Variants in KCTD8 observed in about 807,000 individuals in gnomAD.
KCTD8 encodes BTB/POZ domain-containing protein KCTD8.
A neutral mutation model predicts 31.5 loss-of-function variants in KCTD8; 27 were observed. That is an observed-to-expected ratio of 0.86 (90% CI 0.63 to 1.18). The LOEUF (loss-of-function observed/expected upper bound fraction) is 1.18, where lower values mean the gene tolerates loss of function less well. Ranked by LOEUF, KCTD8 falls within the 50% of genes most tolerant of loss-of-function variation. The pLI, the probability that KCTD8 is intolerant of heterozygous loss-of-function variation, is 0.00. For missense variants in KCTD8, 658 were observed against 647.7 expected (o/e 1.02, Z -0.17); for synonymous variants, 290 against 280.0 (o/e 1.04, Z -0.36).
chr4:44,212,688 T>A (rs1714525457), intron 1 of KCTD8, among the ~76,000 whole-genome samples: 1 of 152,202 alleles, frequency 6.6e-6, no homozygotes, highest in South Asian at 2.1e-4. Context: ...GTACTTCTTT[T>A]TCCATTCTTT....
At chr4:44,294,076 T>C (rs529083282) in intron 1 of KCTD8, among the ~76,000 whole-genome samples, 1 of 152,272 alleles carries the variant, frequency 6.6e-6, no homozygotes, top group Non-Finnish European at 1.5e-5. Context: ...TTTAACGAAA[T>C]TGACAATAAC....
intron 1 of KCTD8, among the ~76,000 whole-genome samples, chr4:44,189,075 T>C (rs931166544): frequency 7.2e-5 from 11 of 152,214 alleles, no homozygotes; most frequent in African/African-American, 2.7e-4. Flanking sequence ...AATAACTGGA[T>C]GATATTGGAT....
intron 1 of KCTD8, among the ~76,000 whole-genome samples, chr4:44,208,030 G>A (rs1414119939): frequency 6.6e-6 from 1 of 152,148 alleles, no homozygotes; most frequent in Non-Finnish European, 1.5e-5. Flanking sequence ...GAGCTCAAGA[G>A]AGAAGTGCTG....
rs926678608 is a variant in KCTD8 at position 44,386,864 on chromosome 4, T to A, written c.961+60699A>T. On this transcript the variant is annotated intron_variant, in intron 1 of 1. Coordinates refer to ENST00000360029, the MANE Select transcript of KCTD8 (RefSeq NM_198353.3). Reference sequence around the variant, plus strand: ...AGCAACCTAAATGTTCATCAACAGATGAATGAAACAAGTAAATGTGAGGCA... The same window carrying A: ...AGCAACCTAAATGTTCATCAACAGAAGAATGAAACAAGTAAATGTGAGGCA... 5.9e-5 allele frequency among the ~76,000 whole-genome samples: 9 copies of A among 151,452 alleles called. 1 individual carries two copies. The East Asian group carries it at 1.4e-3, about 23-fold the overall frequency.
chr4:44,260,721 AAGG>A lies in KCTD8; in HGVS notation c.962-85474_962-85472del, dbSNP rs371536587. Among the ~76,000 whole-genome samples, 101 of 152,094 alleles carry A rather than the reference AAGG, an allele frequency of 6.6e-4. 1 individual carries two copies. In the East Asian group the frequency reaches 8.0e-3, roughly 12 times the overall value. ...TCAAGGTGGCTGGAGTTAAGTCAAT[AAGG>A]AGAAGAGTAATGGAAAACAATTCAT... is the stretch of plus-strand genomic sequence containing the variant. On this transcript the variant is annotated intron_variant, in intron 1 of 1. Transcript: ENST00000360029.
intron 1 of KCTD8, among the ~76,000 whole-genome samples, chr4:44,207,005 A>G (rs1714335241): frequency 6.6e-6 from 1 of 152,210 alleles, no homozygotes; most frequent in African/African-American, 2.4e-5. Flanking sequence ...AAGTTGTGAG[A>G]TAGTATATTT....
At chr4:44,386,918 GAAAC>G (rs534681037) in intron 1 of KCTD8, among the ~76,000 whole-genome samples, 136 of 151,852 alleles carry the variant, frequency 9.0e-4, no homozygotes, top group African/African-American at 3.3e-3. Context: ...CATTCAAACA[GAAAC>G]AGAGGAAGTC....
chr4:44,220,883 G>A (rs1714789433), intron 1 of KCTD8, among the ~76,000 whole-genome samples: 1 of 152,134 alleles, frequency 6.6e-6, no homozygotes, highest in Non-Finnish European at 1.5e-5. Context: ...ATAATTCTCA[G>A]CCTAAATCAT....
At chr4:44,299,482 G>A (rs1386628154) in intron 1 of KCTD8, among the ~76,000 whole-genome samples, 1 of 152,142 alleles carries the variant, frequency 6.6e-6, no homozygotes, top group African/African-American at 2.4e-5. Flanking sequence ...TGTAATCCCA[G>A]CACTTTGGGA....
intron 1 of KCTD8, among the ~76,000 whole-genome samples, chr4:44,377,829 A>G (rs1336584689): frequency 6.6e-6 from 1 of 152,156 alleles, no homozygotes; most frequent in Non-Finnish European, 1.5e-5. Context: ...TGCTTGTGCT[A>G]TATTACGTCT....
chr4:44,381,176 T>C (rs894203176), intron 1 of KCTD8, among the ~76,000 whole-genome samples: 3 of 152,050 alleles, frequency 2.0e-5, no homozygotes, highest in African/African-American at 7.2e-5. Context: ...TATACTAATG[T>C]ATACTTCAAT....
At chr4:44,300,822 C>T (rs992076147) in intron 1 of KCTD8, among the ~76,000 whole-genome samples, 2 of 151,264 alleles carry the variant, frequency 1.3e-5, no homozygotes, top group Non-Finnish European at 2.9e-5. Flanking sequence ...CCCATTAACT[C>T]GTCATTTAGC....
intron 1 of KCTD8, among the ~76,000 whole-genome samples, chr4:44,299,728 A>G (rs889742730): frequency 4.4e-4 from 66 of 149,336 alleles, no homozygotes; most frequent in Admixed American, 1.0e-3. Flanking sequence ...CTCCGTCTCA[A>G]AAAAAAAAAA....
intron 1 of KCTD8, among the ~76,000 whole-genome samples, chr4:44,319,900 A>T (rs901859935): frequency 3.3e-5 from 5 of 152,050 alleles, no homozygotes; most frequent in Admixed American, 2.6e-4. Context: ...GGCCGGGCGC[A>T]GTGGCTCATT....
intron 1 of KCTD8, among the ~76,000 whole-genome samples, chr4:44,322,359 A>T (rs1230766455): frequency 1.3e-5 from 2 of 151,708 alleles, no homozygotes; most frequent in Non-Finnish European, 2.9e-5. Flanking sequence ...GATGTTGAGC[A>T]TTTTTTTCAT....
At chr4:44,246,072 A>G (rs1156314192) in intron 1 of KCTD8, among the ~76,000 whole-genome samples, 2 of 152,108 alleles carry the variant, frequency 1.3e-5, no homozygotes, top group Non-Finnish European at 2.9e-5. Flanking sequence ...AGCTAGAGTT[A>G]TAACAGATTC....
chr4:44,411,677 T>C (rs1433127482), intron 1 of KCTD8, among the ~76,000 whole-genome samples: 3 of 152,094 alleles, frequency 2.0e-5, no homozygotes, highest in Non-Finnish European at 4.4e-5. Flanking sequence ...GATGAAATCA[T>C]ACTGGAGTAG....
chr4:44,435,702 T>G (rs568694261), intron 1 of KCTD8, among the ~76,000 whole-genome samples: 7 of 152,152 alleles, frequency 4.6e-5, no homozygotes, highest in Admixed American at 4.6e-4. Context: ...TCAATAAAAA[T>G]TACAAGCCTA....
chr4:44,319,835 C>T (rs940851802), intron 1 of KCTD8, among the ~76,000 whole-genome samples: 6 of 151,958 alleles, frequency 3.9e-5, no homozygotes, highest in African/African-American at 1.5e-4. Flanking sequence ...GAACTCTCTC[C>T]ATGTCTCAAT....
Sources: allele counts gnomAD v4.1 joint callset (sites outside exome capture counted in the v4.1 genomes callset), GRCh38; gene constraint gnomAD v4.1.1; transcripts MANE v1.5; gene names NCBI Gene and HGNC (gene_info 2026-07-23, HGNC 2026-07-21).